LAMTOR3: variants seen among roughly 807,000 people sequenced by gnomAD.
The protein encoded by LAMTOR3 is late endosomal/lysosomal adaptor, MAPK and MTOR activator 3.
In LAMTOR3, 14 loss-of-function variants were observed where a neutral mutation model predicts 20.3. That is an observed-to-expected ratio of 0.69 (90% CI 0.46 to 1.08). The LOEUF (loss-of-function observed/expected upper bound fraction) is 1.08. Among genes scored for constraint, LAMTOR3 ranks in the 50% least tolerant of loss-of-function variants. The probability of loss-of-function intolerance (pLI) is 0.00; values close to 1 mark genes in which losing one functional copy is unlikely to be tolerated. For missense variants in LAMTOR3, 125 were observed against 143.7 expected, an observed-to-expected ratio of 0.87 and a Z score of 0.67; for synonymous variants, 40 against 49.4, an observed-to-expected ratio of 0.81 and a Z score of 0.80.
intron 3 of LAMTOR3, among the ~76,000 whole-genome samples, chr4:99,889,130 G>A (rs893212915): frequency 6.6e-6 from 1 of 152,066 alleles, no homozygotes; most frequent in African/African-American, 2.4e-5. Flanking sequence ...GATTGAACCT[G>A]GGTTGCAGTG....
At chr4:99,883,459 A>G (rs1319526313) in intron 6 of LAMTOR3, among the ~76,000 whole-genome samples, 1 of 152,116 alleles carries the variant, frequency 6.6e-6, no homozygotes, top group East Asian at 1.9e-4. Context: ...TATTTTACAC[A>G]TAAATATCCA....
At position 99,879,091 on chromosome 4, in the gene LAMTOR3, C is replaced by T. The variant is rs2110177051; in HGVS notation, c.*2903G>A. 2 of 152,286 alleles carry T rather than the reference C, an allele frequency of 1.3e-5. 1 individual carries two copies. Among genetic ancestry groups the T allele is most frequent in the South Asian group, 4.1e-4 (2 of 4,830 alleles). The allele number at this position is 152,286 out of a possible 1,614,324, so 9.4% of individuals were successfully genotyped here. On this transcript the variant is annotated 3_prime_UTR_variant, in exon 7 of 7. Transcript: ENST00000499666. ...AAAGAGTATAACAAGTCACACTTCC[C>T]TAGCAGGCATAGAGAATGCCTGCCC...
chr4:99,881,193 C>G lies in LAMTOR3; in HGVS notation c.*801G>C, dbSNP rs776458766. 6.6e-6 allele frequency: 1 copy of G among 152,142 alleles called. No homozygotes were observed. Among genetic ancestry groups the G allele is most frequent in the Non-Finnish European group, 1.5e-5 (1 of 68,014 alleles). The allele number at this position is 152,142 out of a possible 1,614,324, so 9.4% of individuals were successfully genotyped here. Reference sequence around the variant, plus strand: ...AGTCTGAACAAAAAAAGGACCTATACAGTGCTCAAACTATATTTTTAAAAA... The same window carrying G: ...AGTCTGAACAAAAAAAGGACCTATAGAGTGCTCAAACTATATTTTTAAAAA... On this transcript the variant is annotated 3_prime_UTR_variant, in exon 7 of 7. Coordinates refer to ENST00000499666, the MANE Select transcript of LAMTOR3 (RefSeq NM_021970.4).
At chr4:99,891,890 A>G (rs1339686576) in intron 3 of LAMTOR3, 110 bp downstream of exon 3, 1 of 1,451,956 alleles carries the variant, frequency 6.9e-7, no homozygotes, top group Non-Finnish European at 9.1e-7. Context: ...TATTCATATT[A>G]AAGGAAATCT....
chr4:99,884,129 A>C lies in LAMTOR3; in HGVS notation c.238-4T>G, dbSNP rs752028528. ...GTAAACGATTAAATTGAACCACCTA[A>C]AAAGAAAATAAGAGCCAAATAATAT... is the stretch of plus-strand genomic sequence containing the variant. On this transcript the variant is annotated splice_region_variant and splice_polypyrimidine_tract_variant and intron_variant, in intron 5 of 6. Transcript: ENST00000499666. 1 of 1,608,448 alleles carries C rather than the reference A, an allele frequency of 6.2e-7. No homozygotes were observed. The highest frequency in any genetic ancestry group is 1.7e-5 in the Admixed American group (1 of 59,972).
At chr4:99,892,061 T>C (rs201589993) in intron 2 of LAMTOR3, 27 bp from the exon 3 acceptor site, 12 of 1,555,940 alleles carry the variant, frequency 7.7e-6, no homozygotes. Context: ...AAAAATAATG[T>C]TGTAATAATA....
chr4:99,889,516 A>G (rs1038125081), intron 3 of LAMTOR3, among the ~76,000 whole-genome samples: 4 of 152,366 alleles, frequency 2.6e-5, no homozygotes, highest in East Asian at 1.9e-4. Context: ...AGTTTAGAAC[A>G]GTGTATAGAA....
At chr4:99,886,294 T>A (rs759543644) in intron 4 of LAMTOR3, among the ~76,000 whole-genome samples, 6 of 152,200 alleles carry the variant, frequency 3.9e-5, no homozygotes, top group Non-Finnish European at 5.9e-5. Context: ...AACAGCCATT[T>A]TATAGTGGGT....
At chr4:99,884,766 A>G (rs1724890945) in intron 5 of LAMTOR3, among the ~76,000 whole-genome samples, 1 of 152,144 alleles carries the variant, frequency 6.6e-6, no homozygotes, top group South Asian at 2.1e-4. Context: ...AGAGTTCAAG[A>G]CCAGCCTGGC....
At chr4:99,890,369 C>A (rs1009565383) in intron 3 of LAMTOR3, among the ~76,000 whole-genome samples, 4 of 152,180 alleles carry the variant, frequency 2.6e-5, no homozygotes, top group African/African-American at 9.6e-5. Context: ...CAAAAACACA[C>A]ATTCCATTAG....
rs147607729 is a variant in LAMTOR3, at chr4:99,885,658, G to A, written c.121C>T (p.Pro41Ser). The change falls in exon 5 of 7, where the codon CCA (proline) becomes TCA (serine). Residue 41 changes from proline to serine, a missense_variant. Physicochemically the swap from Pro to Ser is moderately conservative, Grantham distance 74. Coordinates refer to ENST00000499666, the MANE Select transcript of LAMTOR3 (RefSeq NM_021970.4). Reference protein sequence around the residue: ...PVIKVANDNAPEHALRPGFLS... With the variant: ...PVIKVANDNASEHALRPGFLS... ...AAACCAGGTCGCAAAGCATGCTCTG[G>A]AGCATTGTCATTTGCCACTAGAAAA... The A allele has an allele frequency of 2.5e-6, 4 of 1,612,812 alleles. No homozygotes were observed. The highest frequency in any genetic ancestry group is 3.4e-6 in the Non-Finnish European group (4 of 1,179,462).
chr4:99,893,873 G>T, intron 2 of LAMTOR3, 82 bp downstream of exon 2: 1 of 1,138,246 alleles, frequency 8.8e-7, no homozygotes, highest in Non-Finnish European at 1.2e-6. Context: ...ATTTCTGTTT[G>T]GGAAGTTCTA....
intron 3 of LAMTOR3, among the ~76,000 whole-genome samples, chr4:99,889,988 CA>C (rs1381149353): frequency 6.6e-6 from 1 of 151,966 alleles, no homozygotes; most frequent in East Asian, 1.9e-4. Context: ...AATCAGGTCA[CA>C]AATATAAAAG....
intron 2 of LAMTOR3, among the ~76,000 whole-genome samples, chr4:99,892,277 A>G (rs952196407): frequency 2.0e-5 from 3 of 152,248 alleles, no homozygotes; most frequent in South Asian, 2.1e-4. Context: ...CCTACATCAT[A>G]AAAGTGTTGT....
intron 6 of LAMTOR3, among the ~76,000 whole-genome samples, chr4:99,882,541 A>G (rs1481580253): frequency 6.6e-6 from 1 of 152,122 alleles, no homozygotes; most frequent in Non-Finnish European, 1.5e-5. Flanking sequence ...GAAATACAGA[A>G]TAAATTATAT....
intron 4 of LAMTOR3, among the ~76,000 whole-genome samples, chr4:99,886,395 G>C (rs984633105): frequency 6.6e-6 from 1 of 152,200 alleles, no homozygotes; most frequent in East Asian, 1.9e-4. Flanking sequence ...GGCAATGTCC[G>C]AAGATTATAA....
intron 6 of LAMTOR3, 58 bp from the exon 7 acceptor site, chr4:99,882,125 A>G: frequency 6.7e-6 from 7 of 1,048,746 alleles, no homozygotes; most frequent in South Asian, 1.4e-5. Context: ...AAAGCCTGAA[A>G]CTCAGATTTC....
At position 99,881,286 on chromosome 4, in the gene LAMTOR3, T is replaced by A. The variant is rs898278722; in HGVS notation, c.*708A>T. On this transcript the variant is annotated 3_prime_UTR_variant, in exon 7 of 7. Transcript: ENST00000499666. ...TATCATGTTTACATACATACTAACA[T>A]TGGAAACAGAATAACGAATTGTATT... 13 of 152,152 alleles carry A rather than the reference T, an allele frequency of 8.5e-5. No individual in the cohort carries two copies. The highest frequency in any genetic ancestry group is 1.6e-4 in the Non-Finnish European group (11 of 68,020). The allele number at this position is 152,152 out of a possible 1,614,324, so 9.4% of individuals were successfully genotyped here. A position where few individuals can be genotyped will look rare whatever the true frequency, so the allele number is the denominator to read the frequency against.
At chr4:99,883,735 G>A (rs138095799) in intron 6 of LAMTOR3, among the ~76,000 whole-genome samples, 2,227 of 149,048 alleles carry the variant, frequency 0.015, 22 homozygotes, top group Non-Finnish European at 0.02. Context: ...GCTGTAATGG[G>A]AGCAAGATGT....
Sources: allele counts gnomAD v4.1 joint callset (sites outside exome capture counted in the v4.1 genomes callset), GRCh38; gene constraint gnomAD v4.1.1; transcripts MANE v1.5; gene names NCBI Gene and HGNC (gene_info 2026-07-23, HGNC 2026-07-21).